The following CST8 variants were observed in gnomAD, a reference collection of about 807,000 sequenced individuals.
The protein encoded by CST8 is cystatin 8.
A neutral mutation model predicts 11.8 loss-of-function variants in CST8; 20 were observed. The ratio of observed to expected loss-of-function variants is 1.70; its 90% confidence interval spans 1.20 to 2.47. The LOEUF (loss-of-function observed/expected upper bound fraction) is 2.47, where lower values mean the gene tolerates loss of function less well. Ranked by LOEUF, CST8 falls within the 30% of genes most tolerant of loss-of-function variation. The pLI is 0.00. For synonymous variants in CST8, 77 were observed against 63.1 expected, an observed-to-expected ratio of 1.22 and a Z score of -1.05; for missense variants, 196 against 167.2, an observed-to-expected ratio of 1.17 and a Z score of -0.95.
At chr20:23,495,781 T>C (rs1217788430) in intron 3 of CST8, 50 bp from the exon 4 acceptor site, 4 of 1,248,840 alleles carry the variant, frequency 3.2e-6, no homozygotes, top group East Asian at 2.5e-5. Context: ...TTTTCTTTTT[T>C]TTTTTTTTTT....
downstream of CST8, among the ~76,000 whole-genome samples, chr20:23,497,066 A>G (rs908819742): frequency 6.6e-6 from 1 of 152,224 alleles, no homozygotes; most frequent in African/African-American, 2.4e-5. Flanking sequence ...TACGAAAATG[A>G]CAGGATTAAG....
At chr20:23,500,412 G>T (rs956626553), downstream of CST8, among the ~76,000 whole-genome samples, 4 of 152,076 alleles carry the variant, frequency 2.6e-5, no homozygotes, top group African/African-American at 4.8e-5. Flanking sequence ...CAGCTTAGCC[G>T]GTTTCTACCT....
chr20:23,499,636 G>C (rs567269434), downstream of CST8, among the ~76,000 whole-genome samples: 15 of 152,192 alleles, frequency 9.9e-5, no homozygotes, highest in Non-Finnish European at 2.9e-5. Context: ...ATGTGGTCTT[G>C]GATGCTGCCA....
the CST8 span, among the ~76,000 whole-genome samples, chr20:23,502,547 C>T: frequency 6.6e-6 from 1 of 152,226 alleles, no homozygotes; most frequent in African/African-American, 2.4e-5. Context: ...CTAGTCCCTG[C>T]TTCCTGCTGC....
intron 3 of CST8, among the ~76,000 whole-genome samples, chr20:23,493,834 A>G (rs1987964011): frequency 2.0e-5 from 3 of 152,208 alleles, no homozygotes; most frequent in Admixed American, 1.3e-4. Flanking sequence ...AGCAGGCATC[A>G]CAATCACTTG....
the CST8 span, among the ~76,000 whole-genome samples, chr20:23,505,396 G>A: frequency 2.7e-4 from 41 of 152,018 alleles, no homozygotes; most frequent in South Asian, 6.7e-3. Flanking sequence ...TGCCCACCTC[G>A]GCCTCCCAAA....
intron 3 of CST8, 138 bp from the exon 4 acceptor site, chr20:23,495,693 G>T: frequency 1.5e-6 from 1 of 655,392 alleles, no homozygotes; most frequent in Non-Finnish European, 2.7e-6. Context: ...GCAGATTCCT[G>T]GGAGCTCGCT....
Position 23,491,813 on chromosome 20 carries a change from T to TGTG in CST8, c.149_151dup (p.Trp50dup). On this transcript the variant is annotated inframe_insertion, in exon 2 of 4. Coordinates refer to ENST00000246012, the MANE Select transcript of CST8 (RefSeq NM_005492.4). ...TCAAATGCCAACGTGAAGCAGTGTCTGTGGTTTGCCATGCAAGAATACAAC... is the reference window on the plus strand; with the variant it reads ...TCAAATGCCAACGTGAAGCAGTGTCTGTGGTGGTTTGCCATGCAAGAATACAAC... The TGTG allele has an allele frequency of 1.2e-6, 2 of 1,614,174 alleles. No homozygotes were observed. The highest frequency in any genetic ancestry group is 1.7e-6 in the Non-Finnish European group (2 of 1,180,030).
At chr20:23,506,654 A>G in the CST8 span, among the ~76,000 whole-genome samples, 2 of 152,198 alleles carry the variant, frequency 1.3e-5, no homozygotes, top group Admixed American at 1.3e-4. Flanking sequence ...ATAAAAAAAT[A>G]AAAGATAATT....
the CST8 span, among the ~76,000 whole-genome samples, chr20:23,506,603 T>G: frequency 6.6e-6 from 1 of 151,052 alleles, no homozygotes; most frequent in East Asian, 1.9e-4. Flanking sequence ...TCACACAGAT[T>G]TTTTTTTTCT....
chr20:23,501,174 A>G, the CST8 span, among the ~76,000 whole-genome samples: 4 of 152,186 alleles, frequency 2.6e-5, no homozygotes, highest in African/African-American at 9.7e-5. Flanking sequence ...GAACTGAACC[A>G]GTTATGTAAC....
At chr20:23,500,109 A>G (rs190323796), downstream of CST8, among the ~76,000 whole-genome samples, 39 of 152,078 alleles carry the variant, frequency 2.6e-4, no homozygotes, top group East Asian at 3.9e-4. Context: ...TTAACACTCA[A>G]TCTTACGGTG....
In CST8 at chr20:23,491,892, G is replaced by T; in HGVS notation, c.225G>T (p.Gln75His). 1 of 1,613,476 alleles carries T rather than the reference G, an allele frequency of 6.2e-7. No individual in the cohort carries two copies. The highest frequency in any genetic ancestry group is 8.5e-7 in the Non-Finnish European group (1 of 1,179,344). The stretch of plus-strand genomic sequence containing the variant: ...TGGTGGTCAAGACACTGCAAGCCCA[G>T]CTTCAGGTAAAGGTGTCTTTCCATA... ...VFLVVKTLQA[Q>H]LQVTNLLEYL... Residue 75 changes from glutamine to histidine, a missense_variant, in exon 2 of 4, where the codon CAG becomes CAT. Gln to His is a conservative substitution (Grantham distance 24, BLOSUM62 0). Transcript: ENST00000246012.
At chr20:23,496,350 C>A (rs1449027165), downstream of CST8, among the ~76,000 whole-genome samples, 1 of 152,118 alleles carries the variant, frequency 6.6e-6, no homozygotes, top group East Asian at 1.9e-4. Context: ...CCGGGGGAGA[C>A]ATCACATGTC....
At position 23,493,202 on chromosome 20, in the gene CST8, G is replaced by C. The variant is rs1987944871; in HGVS notation, c.345+131G>C. On this transcript the variant is annotated intron_variant, in intron 3 of 3. Transcript: ENST00000246012. ...TTTAGCCCCAGATAGCCAACCCTGTGGCCTTTATAGCAGAAGATCCAGGGC... is the reference window on the plus strand; with the variant it reads ...TTTAGCCCCAGATAGCCAACCCTGTCGCCTTTATAGCAGAAGATCCAGGGC... The C allele has an allele frequency of 5.3e-5, 35 of 661,064 alleles. 1 individual carries two copies. In the South Asian group the frequency reaches 6.1e-4, roughly 11 times the overall value. 40.9% of individuals were successfully genotyped at this position (661,064 alleles called of 1,614,324 possible). A position where few individuals can be genotyped will look rare whatever the true frequency, so the allele number is the denominator to read the frequency against.
downstream of CST8, among the ~76,000 whole-genome samples, chr20:23,497,278 C>T (rs1471777283): frequency 1.3e-5 from 2 of 152,230 alleles, no homozygotes; most frequent in African/African-American, 2.4e-5. Context: ...TTCAGCCGGT[C>T]CCTCTGTTCG....
chr20:23,495,704 C>T lies in CST8; in HGVS notation c.346-127C>T, dbSNP rs190436255. ...CTCTGCAGATTCCTGGGAGCTCGCT[C>T]GAGAGTGGTGACCCATCTGTCAGCA... On this transcript the variant is annotated intron_variant, in intron 3 of 3. Coordinates refer to ENST00000246012, the MANE Select transcript of CST8 (RefSeq NM_005492.4). 1.5e-4 allele frequency: 105 copies of T among 694,112 alleles called. No homozygotes were observed. In the African/African-American group the frequency reaches 1.6e-3, roughly 10 times the overall value. The allele number at this position is 694,112 out of a possible 1,614,324, so 43.0% of individuals were successfully genotyped here.
intron 3 of CST8, among the ~76,000 whole-genome samples, chr20:23,494,095 C>A (rs1457482679): frequency 6.6e-6 from 1 of 152,176 alleles, no homozygotes; most frequent in Non-Finnish European, 1.5e-5. Flanking sequence ...ATGAAACAAA[C>A]CCTATCATTT....
chr20:23,505,338 G>A, the CST8 span, among the ~76,000 whole-genome samples: 2 of 151,900 alleles, frequency 1.3e-5, no homozygotes, highest in Non-Finnish European at 2.9e-5. Context: ...TAAAGACGGG[G>A]TTTCACTGTG....
Sources: gnomAD v4.1 joint callset for allele counts (sites outside exome capture counted in the v4.1 genomes callset) on GRCh38, gnomAD v4.1.1 for gene constraint, MANE v1.5 for transcripts, NCBI Gene and HGNC (gene_info 2026-07-23, HGNC 2026-07-21) for gene names.